The following ERBB4 variants were observed in gnomAD, a reference collection of about 807,000 sequenced individuals.
ERBB4 encodes the protein erb-b2 receptor tyrosine kinase 4.
A neutral mutation model predicts 158.0 loss-of-function variants in ERBB4; 42 were observed. The observed-to-expected ratio is 0.27, with a 90% CI of 0.21 to 0.34. The LOEUF is 0.34. Among genes scored for constraint, ERBB4 ranks in the 10% least tolerant of loss-of-function variants. The pLI is 1.00. For synonymous variants in ERBB4, 583 were observed against 558.7 expected (o/e 1.04, Z -0.61); for missense variants, 1,333 against 1,624.1 (o/e 0.82, Z 3.08).
chr2:212,114,685 G>A (rs1425972546), intron 2 of ERBB4, among the ~76,000 whole-genome samples: 3 of 152,092 alleles, frequency 2.0e-5, no homozygotes, highest in Non-Finnish European at 2.9e-5. Flanking sequence ...GCGAAATGAT[G>A]TTGAAACAAC....
chr2:211,773,621 TATATATATA>T (rs1438209711), intron 4 of ERBB4, among the ~76,000 whole-genome samples: 6 of 63,020 alleles, frequency 9.5e-5, no homozygotes, highest in African/African-American at 2.9e-4. Flanking sequence ...TATATATATA[TATATATATA>T]TATATATATA....
At chr2:211,925,243 C>T (rs1176659426) in intron 3 of ERBB4, among the ~76,000 whole-genome samples, 1 of 152,112 alleles carries the variant, frequency 6.6e-6, no homozygotes, top group Non-Finnish European at 1.5e-5. Flanking sequence ...TTAGTTGAGA[C>T]TTTACCAACA....
rs1477346120 is a variant in ERBB4 at position 211,414,515 on chromosome 2, AAAAAAAAAGAAAAGAAAAG to A, written c.3135+5907_3135+5925del. 1.1e-4 allele frequency among the ~76,000 whole-genome samples: 16 copies of A among 150,792 alleles called. 1 individual carries two copies. Among genetic ancestry groups the A allele is most frequent in the Admixed American group, 9.2e-4 (14 of 15,230 alleles). ...CAGTCTCAATTAAAAAAAAAAAAAAAAAAAAAAAGAAAAGAAAAGAAGAAAAGAAAGAAAATACAATTTT... is the reference window on the plus strand; with the variant it reads ...CAGTCTCAATTAAAAAAAAAAAAAAAAAGAAAAGAAAGAAAATACAATTTT... On this transcript the variant is annotated intron_variant, in intron 25 of 27. Transcript: ENST00000342788.
chr2:211,931,066 AG>A lies in ERBB4; in HGVS notation c.421+16363del, dbSNP rs563555753. On this transcript the variant is annotated intron_variant, in intron 3 of 27. Transcript: ENST00000342788. ...TGAATAGGATTTTCTTGGCACCACT[AG>A]GAAGTCTTGTGTTAAAGGCTTGGCA... Among the ~76,000 whole-genome samples the A allele has an allele frequency of 5.6e-4, 85 of 152,204 alleles. 1 individual carries two copies. The South Asian group carries it at 0.017, about 30-fold the overall frequency.
rs370073207 is a variant in ERBB4 at position 211,870,879 on chromosome 2, T to C, written c.421+76551A>G. On this transcript the variant is annotated intron_variant, in intron 3 of 27. Coordinates refer to ENST00000342788, the MANE Select transcript of ERBB4 (RefSeq NM_005235.3). Reference sequence around the variant, plus strand: ...AATGCCTGATTTCTCATTTTCAGTATAAGGGAATTCAATTTGTTCGTTCAT... The same window carrying C: ...AATGCCTGATTTCTCATTTTCAGTACAAGGGAATTCAATTTGTTCGTTCAT... Among the ~76,000 whole-genome samples the C allele has an allele frequency of 9.2e-5, 14 of 152,286 alleles. No individual in the cohort carries two copies. In the East Asian group the frequency reaches 1.3e-3, roughly 15 times the overall value.
intron 20 of ERBB4, among the ~76,000 whole-genome samples, chr2:211,515,601 GGCTTGAA>G (rs1190638243): frequency 6.6e-6 from 1 of 151,774 alleles, no homozygotes; most frequent in Non-Finnish European, 1.5e-5. Context: ...TTTGGAATTT[GGCTTGAA>G]GATGACTAGG....
intron 1 of ERBB4, among the ~76,000 whole-genome samples, chr2:212,224,246 G>A (rs2083400179): frequency 6.6e-6 from 1 of 151,666 alleles, no homozygotes; most frequent in African/African-American, 2.4e-5. Flanking sequence ...ATTGTTCCAA[G>A]ACTTGTAAAA....
intron 4 of ERBB4, among the ~76,000 whole-genome samples, chr2:211,768,091 G>A (rs1457323321): frequency 2.0e-5 from 3 of 152,196 alleles, no homozygotes; most frequent in African/African-American, 7.2e-5. Flanking sequence ...GGGAGAAATT[G>A]GCCAAAATGA....
chr2:211,889,367 A>G (rs1351831013), intron 3 of ERBB4, among the ~76,000 whole-genome samples: 10 of 146,094 alleles, frequency 6.8e-5, no homozygotes, highest in African/African-American at 2.7e-4. Context: ...ACTAACAAAC[A>G]GAAAGGACAT....
At chr2:211,878,244 TA>T (rs1161628578) in intron 3 of ERBB4, among the ~76,000 whole-genome samples, 2 of 152,178 alleles carry the variant, frequency 1.3e-5, no homozygotes, top group African/African-American at 4.8e-5. Context: ...CAGGAATCAG[TA>T]AAAAAGTTGC....
chr2:211,673,357 T>C (rs965796324), intron 13 of ERBB4, 100 bp from the exon 14 acceptor site: 5 of 841,298 alleles, frequency 5.9e-6, no homozygotes, highest in Admixed American at 5.9e-5. Context: ...GAGTAAATTC[T>C]AAAGTTTGTT....
At chr2:212,074,158 G>C (rs1475512050) in intron 2 of ERBB4, among the ~76,000 whole-genome samples, 1 of 151,940 alleles carries the variant, frequency 6.6e-6, no homozygotes, top group Non-Finnish European at 1.5e-5. Flanking sequence ...GTCTATTCAA[G>C]CTTTTAGCTG....
At position 212,525,717 on chromosome 2, in the gene ERBB4, T is replaced by C. The variant is rs1218882133; in HGVS notation, c.82+12732A>G. ...CACTAAAGTTTACTCTGTTGGATAA[T>C]ACTTTTCCACAAAAATAAGGTTTTG... On this transcript the variant is annotated intron_variant, in intron 1 of 27. Transcript: ENST00000342788. Among the ~76,000 whole-genome samples the C allele has an allele frequency of 2.0e-5, 3 of 152,054 alleles. No individual in the cohort carries two copies. The South Asian group carries it at 6.2e-4, about 31-fold the overall frequency.
In ERBB4 at chr2:212,191,708, ATACATGTTACATATAACACGTGT is replaced by A. The variant is rs2082225641; in HGVS notation, c.83-66828_83-66806del. Among the ~76,000 whole-genome samples the A allele has an allele frequency of 5.4e-5, 8 of 147,116 alleles. 1 individual carries two copies. The highest frequency in any genetic ancestry group is 2.0e-4 in the African/African-American group (8 of 40,376). ...ATACATGTTACATATAACACGTGTT[ATACATGTTACATATAACACGTGT>A]TATACATGTTACATATAACACGTGT... is the stretch of plus-strand genomic sequence containing the variant. On this transcript the variant is annotated intron_variant, in intron 1 of 27. Transcript: ENST00000342788.
chr2:211,499,306 C>T (rs1019418491), intron 20 of ERBB4, among the ~76,000 whole-genome samples: 6 of 151,870 alleles, frequency 4.0e-5, no homozygotes, highest in South Asian at 4.1e-4. Flanking sequence ...AGGTGGATCA[C>T]GAGGTCAGGA....
At chr2:211,814,485 A>C (rs2076833652) in intron 3 of ERBB4, among the ~76,000 whole-genome samples, 1 of 152,182 alleles carries the variant, frequency 6.6e-6, no homozygotes. Context: ...AATAATTAGA[A>C]TAGTATAGAG....
intron 2 of ERBB4, among the ~76,000 whole-genome samples, chr2:212,084,226 G>A (rs757747773): frequency 3.3e-5 from 5 of 151,780 alleles, no homozygotes; most frequent in Admixed American, 6.6e-5. Flanking sequence ...CTCTTGTATC[G>A]GACAACTCAA....
At chr2:211,931,225 G>T (rs552017259) in intron 3 of ERBB4, among the ~76,000 whole-genome samples, 2 of 152,126 alleles carry the variant, frequency 1.3e-5, no homozygotes, top group Admixed American at 6.6e-5. Context: ...CTATTATTTA[G>T]CCTTAGCAGG....
At chr2:212,262,255 A>G (rs1267087865) in intron 1 of ERBB4, among the ~76,000 whole-genome samples, 2 of 152,146 alleles carry the variant, frequency 1.3e-5, no homozygotes, top group Non-Finnish European at 2.9e-5. Context: ...AAATTCTTAG[A>G]ACACCTGCCA....
Sources: allele counts gnomAD v4.1 joint callset (sites outside exome capture counted in the v4.1 genomes callset), GRCh38; gene constraint gnomAD v4.1.1; transcripts MANE v1.5; gene names NCBI Gene and HGNC (gene_info 2026-07-23, HGNC 2026-07-21).